FAM76B: variants seen among roughly 807,000 people sequenced by gnomAD.
The protein encoded by FAM76B is protein FAM76B.
FAM76B carries 16 observed loss-of-function variants against 51.8 expected under a neutral mutation model. The observed-to-expected ratio is 0.31, with a 90% CI of 0.21 to 0.47. The LOEUF (loss-of-function observed/expected upper bound fraction) is 0.47. Ranked by LOEUF, FAM76B falls within the 20% of genes least tolerant of loss-of-function variation. The pLI, the probability that FAM76B is intolerant of heterozygous loss-of-function variation, is 1.00. For missense variants in FAM76B, 342 were observed against 392.6 expected (o/e 0.87, Z 1.09); for synonymous variants, 166 against 129.5 (o/e 1.28, Z -1.91).
At position 95,778,811 on chromosome 11, in the gene FAM76B, C is replaced by G; in HGVS notation, c.828+11G>C. 6.3e-7 allele frequency: 1 copy of G among 1,590,104 alleles called. No homozygotes were observed. The highest frequency in any genetic ancestry group is 8.5e-7 in the Non-Finnish European group (1 of 1,171,486). On this transcript the variant is annotated intron_variant, in intron 8 of 9. Transcript: ENST00000358780. The stretch of plus-strand genomic sequence containing the variant: ...TAACTCTTACCAGGCTTCAATGAAC[C>G]ATGTTCTTACCTTTTTATCTTTTTC...
intron 4 of FAM76B, among the ~76,000 whole-genome samples, chr11:95,785,383 C>T (rs1248358258): frequency 1.3e-5 from 2 of 152,174 alleles, no homozygotes; most frequent in Non-Finnish European, 2.9e-5. Context: ...GAGAATCAAT[C>T]GTACCTGTGT....
chr11:95,787,796 A>C, intron 2 of FAM76B, 118 bp from the exon 3 acceptor site: 1 of 783,202 alleles, frequency 1.3e-6, no homozygotes. Context: ...AGGACCACGG[A>C]TTTTTTTCAA....
intron 5 of FAM76B, among the ~76,000 whole-genome samples, chr11:95,781,880 A>C (rs1463916985): frequency 2.0e-5 from 3 of 152,094 alleles, no homozygotes; most frequent in African/African-American, 7.2e-5. Flanking sequence ...TCATAATCTA[A>C]TAGGTGATTG....
chr11:95,777,540 A>C (rs1321264613), intron 8 of FAM76B, among the ~76,000 whole-genome samples: 2 of 151,388 alleles, frequency 1.3e-5, no homozygotes, highest in Non-Finnish European at 3.0e-5. Flanking sequence ...GCCTGTCTCT[A>C]AAACTTTGTA....
chr11:95,776,674 G>A (rs1860025874), intron 8 of FAM76B, among the ~76,000 whole-genome samples: 1 of 151,158 alleles, frequency 6.6e-6, no homozygotes, highest in African/African-American at 2.4e-5. Flanking sequence ...AGTGCTTTGA[G>A]GAAGAAGGCT....
In FAM76B at chr11:95,768,991, G is replaced by C. The variant is rs1859656999; in HGVS notation, c.*2570C>G. ...TTTTTATTGTGAAATATTGGATCTAGAAAAAAGTACAAAATGTCAACAGTC... is the reference window on the plus strand; with the variant it reads ...TTTTTATTGTGAAATATTGGATCTACAAAAAAGTACAAAATGTCAACAGTC... On this transcript the variant is annotated 3_prime_UTR_variant, in exon 10 of 10. Coordinates refer to ENST00000358780, the MANE Select transcript of FAM76B (RefSeq NM_144664.5). 1 of 152,300 alleles carries C rather than the reference G, an allele frequency of 6.6e-6. No homozygotes were observed. 9.4% of individuals were successfully genotyped at this position (152,300 alleles called of 1,614,324 possible). A position where few individuals can be genotyped will look rare whatever the true frequency, so the allele number is the denominator to read the frequency against.
rs752207842 is a variant in FAM76B at position 95,786,158 on chromosome 11, C to T, written c.324G>A (p.Gln108=). The change falls in exon 4 of 10, where the codon CAG becomes CAA. Residue 108 remains glutamine (Q), a synonymous_variant. Coordinates refer to ENST00000358780, the MANE Select transcript of FAM76B (RefSeq NM_144664.5). ...CCTCCTTCCGATCAAAAGCACATTG[C>T]TGTTTGCACTGTTCACAGGTCTGAG... ...GPPQTCEQCK[Q]QCAFDRKEEG... 1.5e-5 allele frequency: 25 copies of T among 1,613,498 alleles called. No homozygotes were observed. The East Asian group carries it at 5.1e-4, about 33-fold the overall frequency.
chr11:95,787,627 C>A lies in FAM76B; in HGVS notation c.204G>T (p.Gly68=), dbSNP rs771252667. ...KKCAQNVKQF[G]TPKPCQYCNI... ...TGAAAACATAAGACATACTTACCGT[C>A]CCAAATTGCTTCACATTTTGAGCAC... is the stretch of plus-strand genomic sequence containing the variant. The change falls in exon 3 of 10, where the codon GGG becomes GGT. Residue 68 remains glycine, a synonymous_variant. Transcript: ENST00000358780. 6.2e-7 allele frequency: 1 copy of A among 1,610,596 alleles called. No homozygotes were observed. Among genetic ancestry groups the A allele is most frequent in the East Asian group, 2.2e-5 (1 of 44,842 alleles).
Position 95,769,866 on chromosome 11 carries a change from T to A in FAM76B, c.*1695A>T, listed in dbSNP as rs1859692506. 6.6e-6 allele frequency: 1 copy of A among 151,522 alleles called. No homozygotes were observed. The highest frequency in any genetic ancestry group is 2.1e-4 in the South Asian group (1 of 4,828). The allele number at this position is 151,522 out of a possible 1,614,324, so 9.4% of individuals were successfully genotyped here. ...TTTGTATCACTTGAAAATTACCCTA[T>A]ATTATGCTTTCAAAATGGACAAAGA... On this transcript the variant is annotated 3_prime_UTR_variant, in exon 10 of 10. Coordinates refer to ENST00000358780, the MANE Select transcript of FAM76B (RefSeq NM_144664.5).
At chr11:95,786,066 G>T in intron 4 of FAM76B, 53 bp downstream of exon 4, 2 of 1,572,226 alleles carry the variant, frequency 1.3e-6, no homozygotes, top group South Asian at 2.4e-5. Context: ...TTTCCAACTT[G>T]TTTGGCATTT....
chr11:95,778,392 C>G (rs956148898), intron 8 of FAM76B, among the ~76,000 whole-genome samples: 3 of 151,396 alleles, frequency 2.0e-5, no homozygotes, highest in African/African-American at 7.3e-5. Context: ...AATTCCCATA[C>G]CATTACTTTT....
At chr11:95,779,758 T>C in intron 6 of FAM76B, 71 bp from the exon 7 acceptor site, 1 of 1,572,406 alleles carries the variant, frequency 6.4e-7, no homozygotes, top group Non-Finnish European at 8.7e-7. Flanking sequence ...GTTATTCATC[T>C]TCCCCTAAAA....
At position 95,789,380 on chromosome 11, in the gene FAM76B, G is replaced by A. The variant is rs751922846; in HGVS notation, c.87+12C>T. 5.7e-6 allele frequency: 9 copies of A among 1,586,604 alleles called. No homozygotes were observed. Among genetic ancestry groups the A allele is most frequent in the Non-Finnish European group, 7.7e-6 (9 of 1,167,108 alleles). On this transcript the variant is annotated intron_variant, in intron 1 of 9. Transcript: ENST00000358780. ...GGACACCCATCCCGCCCGCCTCCCG[G>A]AGCCCACGGACCTTGCAGAGCTGCT...
At chr11:95,787,361 G>A (rs1860657993) in intron 3 of FAM76B, among the ~76,000 whole-genome samples, 1 of 152,082 alleles carries the variant, frequency 6.6e-6, no homozygotes, top group Admixed American at 6.5e-5. Context: ...AGCCTCTGGA[G>A]TAGCTGGGAC....
chr11:95,779,726 G>T (rs763930225), intron 6 of FAM76B, 39 bp from the exon 7 acceptor site: 1 of 1,589,398 alleles, frequency 6.3e-7, no homozygotes, highest in Admixed American at 1.8e-5. Context: ...AGAGTAAAAA[G>T]GACAGAGAAA....
intron 8 of FAM76B, among the ~76,000 whole-genome samples, chr11:95,777,296 C>T (rs899875012): frequency 2.0e-5 from 3 of 151,236 alleles, no homozygotes; most frequent in African/African-American, 4.8e-5. Context: ...TACAACAATG[C>T]TAATTTCAAT....
At chr11:95,775,724 T>C (rs572921842) in intron 9 of FAM76B, 198 bp downstream of exon 9, 3 of 352,578 alleles carry the variant, frequency 8.5e-6, no homozygotes, top group Admixed American at 4.7e-5. Flanking sequence ...ATTAAAGTAC[T>C]GAATCCCCCT....
At chr11:95,788,350 C>A in intron 2 of FAM76B, 149 bp downstream of exon 2, 1 of 647,556 alleles carries the variant, frequency 1.5e-6, no homozygotes, top group South Asian at 1.9e-5. Context: ...TTCTCTCTCC[C>A]ACCATGTATA....
chr11:95,782,825 T>C (rs1860346039), intron 5 of FAM76B, among the ~76,000 whole-genome samples: 1 of 152,216 alleles, frequency 6.6e-6, no homozygotes, highest in South Asian at 2.1e-4. Flanking sequence ...TGACTTTACA[T>C]GGTTATAATT....
Sources: allele counts gnomAD v4.1 joint callset (sites outside exome capture counted in the v4.1 genomes callset), GRCh38; gene constraint gnomAD v4.1.1; transcripts MANE v1.5; gene names NCBI Gene and HGNC (gene_info 2026-07-23, HGNC 2026-07-21).